Variants in CNNM1 observed in about 807,000 individuals in gnomAD.
CNNM1 encodes the protein metal transporter CNNM1.
Under a neutral mutation model 78.8 loss-of-function variants are expected in CNNM1, and 44 were observed. The ratio of observed to expected loss-of-function variants is 0.56; its 90% CI spans 0.44 to 0.72. CNNM1 has a LOEUF of 0.72. Among genes scored for constraint, CNNM1 ranks in the 30% least tolerant of loss-of-function variants. The probability of loss-of-function intolerance (pLI) is 0.00; values close to 1 mark genes in which losing one functional copy is unlikely to be tolerated. For missense variants in CNNM1, 1,101 were observed against 1,292.2 expected (o/e 0.85, Z 2.27); for synonymous variants, 584 against 581.5 (o/e 1.00, Z -0.06).
intron 7 of CNNM1, among the ~76,000 whole-genome samples, chr10:99,382,913 G>A (rs1392674306): frequency 6.6e-6 from 1 of 152,192 alleles, no homozygotes; most frequent in East Asian, 1.9e-4. Context: ...AGCTTAGTGG[G>A]TGATTGGATT....
intron 4 of CNNM1, among the ~76,000 whole-genome samples, chr10:99,362,863 G>A (rs1004139598): frequency 1.3e-5 from 2 of 152,108 alleles, no homozygotes; most frequent in South Asian, 2.1e-4. Context: ...GGAGGTACAT[G>A]GGACACATTC....
chr10:99,373,766 A>T (rs921389677), intron 6 of CNNM1, among the ~76,000 whole-genome samples: 5 of 152,144 alleles, frequency 3.3e-5, no homozygotes, highest in African/African-American at 1.2e-4. Context: ...CCACTTGTAC[A>T]TATTATTTAG....
chr10:99,336,547 C>G (rs1431035547), intron 1 of CNNM1, among the ~76,000 whole-genome samples: 1 of 152,216 alleles, frequency 6.6e-6, no homozygotes, highest in African/African-American at 2.4e-5. Context: ...TTAGGTTATT[C>G]ACTGATTTTA....
At chr10:99,365,569 T>TC (rs572923948) in intron 6 of CNNM1, among the ~76,000 whole-genome samples, 172 of 152,344 alleles carry the variant, frequency 1.1e-3, no homozygotes, top group Middle Eastern at 3.4e-3. Flanking sequence ...GGCACAGGGC[T>TC]GATGGCTGGT....
At chr10:99,366,728 G>A (rs993380638) in intron 6 of CNNM1, among the ~76,000 whole-genome samples, 1 of 152,124 alleles carries the variant, frequency 6.6e-6, no homozygotes, top group Non-Finnish European at 1.5e-5. Context: ...GTTGCAGTGA[G>A]CCAAGATCAT....
At chr10:99,362,460 G>T (rs2031471800) in intron 4 of CNNM1, 64 bp downstream of exon 4, 5 of 1,518,738 alleles carry the variant, frequency 3.3e-6, no homozygotes, top group Non-Finnish European at 4.4e-6. Context: ...TGAAGAAATG[G>T]CCATGCCTCC....
At chr10:99,363,685 C>T (rs1335151319) in intron 4 of CNNM1, among the ~76,000 whole-genome samples, 5 of 151,486 alleles carry the variant, frequency 3.3e-5, no homozygotes, top group Non-Finnish European at 7.4e-5. Context: ...TACATATCAG[C>T]TATCACTATT....
At chr10:99,339,467 G>T (rs910824020) in intron 1 of CNNM1, among the ~76,000 whole-genome samples, 2 of 152,236 alleles carry the variant, frequency 1.3e-5, no homozygotes, top group African/African-American at 4.8e-5. Flanking sequence ...CACAGTGGAA[G>T]GTGAGCAGTG....
chr10:99,364,118 A>G (rs541493045), intron 4 of CNNM1, among the ~76,000 whole-genome samples: 1 of 152,268 alleles, frequency 6.6e-6, no homozygotes, highest in East Asian at 1.9e-4. Flanking sequence ...GAGGCCCTGG[A>G]TTAGCTGGTG....
In CNNM1 at chr10:99,394,193, C is replaced by A. The variant is rs1589930977; in HGVS notation, c.*2677C>A. On this transcript the variant is annotated 3_prime_UTR_variant, in exon 11 of 11. Transcript: ENST00000356713. The stretch of plus-strand genomic sequence containing the variant: ...TATGGAGCCTGTCACCACTCCCCTC[C>A]CTATATACCCCCACCCCACAAAGAT... 1 of 152,376 alleles carries A rather than the reference C, an allele frequency of 6.6e-6. No individual in the cohort carries two copies. The highest frequency in any genetic ancestry group is 1.9e-4 in the East Asian group (1 of 5,190). The allele number at this position is 152,376 out of a possible 1,614,324, so 9.4% of individuals were successfully genotyped here. A position where few individuals can be genotyped will look rare whatever the true frequency, so the allele number is the denominator to read the frequency against.
chr10:99,380,518 C>T (rs921523476), intron 7 of CNNM1, among the ~76,000 whole-genome samples: 10 of 152,072 alleles, frequency 6.6e-5, no homozygotes, highest in Non-Finnish European at 1.3e-4. Context: ...GGGCTGGGTG[C>T]GGTGGCTCAC....
chr10:99,365,122 C>T, intron 6 of CNNM1, 120 bp downstream of exon 6: 1 of 978,494 alleles, frequency 1.0e-6, no homozygotes, highest in South Asian at 1.4e-5. Context: ...GCTGGCAGCC[C>T]CTTTGTAATG....
Position 99,330,287 on chromosome 10 carries a change from G to T in CNNM1, c.900G>T (p.Trp300Cys). The T allele has an allele frequency of 1.9e-6, 3 of 1,578,088 alleles. No individual in the cohort carries two copies. The highest frequency in any genetic ancestry group is 2.6e-6 in the Non-Finnish European group (3 of 1,162,540). Residue 300 changes from tryptophan (W) to cysteine (C), a missense_variant, in exon 1 of 11, where the codon TGG becomes TGT. By Grantham distance (215) the Trp-to-Cys change is radical (BLOSUM62 -2). Around this residue, in one of 3 missense-constraint regions of CNNM1, gnomAD observed 476 missense variants for 484.5 expected, o/e 0.98. Transcript: ENST00000356713. The part of the protein sequence containing the change: ...QAGANAALAG[W>C]LYTSLPPGFG... ...GAGCCAACGCGGCCCTGGCTGGCTG[G>T]CTGTACACCTCGCTGCCGCCGGGCT...
intron 1 of CNNM1, among the ~76,000 whole-genome samples, chr10:99,347,392 G>A (rs988207367): frequency 2.0e-5 from 3 of 151,796 alleles, no homozygotes; most frequent in Admixed American, 6.6e-5. Context: ...ATGGTGGCAG[G>A]CACCTGTAAT....
intron 1 of CNNM1, among the ~76,000 whole-genome samples, chr10:99,351,732 G>A (rs1044902914): frequency 2.0e-5 from 3 of 152,070 alleles, no homozygotes. Context: ...GGCCTCACCT[G>A]TGGCAGACCG....
Position 99,330,490 on chromosome 10 carries a change from C to A in CNNM1, c.1103C>A (p.Ala368Asp). The A allele has an allele frequency of 6.3e-7, 1 of 1,582,502 alleles. No individual in the cohort carries two copies. Among genetic ancestry groups the A allele is most frequent in the East Asian group, 2.3e-5 (1 of 42,978 alleles). ...TGCCTGACCCGGCTTCTGATGGCAG[C>A]CGCCTTCCCCGTGTGCTACCCGCTG... The part of the protein sequence containing the change: ...SVCLTRLLMA[A>D]AFPVCYPLGR... Residue 368 changes from alanine to aspartate, a missense_variant, in exon 1 of 11, where the codon GCC becomes GAC. Physicochemically the swap from Ala to Asp is moderately radical, Grantham distance 126. Transcript: ENST00000356713.
chr10:99,330,147 T>C lies in CNNM1; in HGVS notation c.760T>C (p.Leu254=). Residue 254 remains leucine (L), a synonymous_variant, in exon 1 of 11, where the codon TTA becomes CTA. Coordinates refer to ENST00000356713, the MANE Select transcript of CNNM1 (RefSeq NM_020348.3). ...LSLLSLDPVE[L]RVLRNSGSAA... is the part of the protein sequence containing the mutation. ...CCTGCTGTCGCTGGACCCGGTGGAG[T>C]TACGGGTGCTGCGGAACAGCGGCTC... is the stretch of plus-strand genomic sequence containing the variant. 6.5e-7 allele frequency: 1 copy of C among 1,543,060 alleles called. No individual in the cohort carries two copies. Among genetic ancestry groups the C allele is most frequent in the Admixed American group, 1.9e-5 (1 of 51,820 alleles).
In CNNM1 at chr10:99,362,133, GT is replaced by G. The variant is rs1420622705; in HGVS notation, c.1859-92del. On this transcript the variant is annotated intron_variant, in intron 3 of 10. Coordinates refer to ENST00000356713, the MANE Select transcript of CNNM1 (RefSeq NM_020348.3). ...CCCAGGTACAGGCACAGGGGTCCCA[GT>G]TGTGCCCACTCTGACTCCTCCCAGC... 3 of 1,206,832 alleles carry G rather than the reference GT, an allele frequency of 2.5e-6. No homozygotes were observed. In the African/African-American group the frequency reaches 4.7e-5, roughly 19 times the overall value. The allele number at this position is 1,206,832 out of a possible 1,614,324, so 74.8% of individuals were successfully genotyped here.
In CNNM1 at chr10:99,375,707, G is replaced by T. The variant is rs2031941806; in HGVS notation, c.2177-1348G>T. Among the ~76,000 whole-genome samples, 4 of 152,306 alleles carry T rather than the reference G, an allele frequency of 2.6e-5. No homozygotes were observed. In the South Asian group the frequency reaches 8.3e-4, roughly 32 times the overall value. ...ATATTTTGCTTTATCTCAAGAGACA[G>T]GATTAAATTCCCAAGGTTCTACCCT... On this transcript the variant is annotated intron_variant, in intron 6 of 10. Coordinates refer to ENST00000356713, the MANE Select transcript of CNNM1 (RefSeq NM_020348.3).
Sources: allele counts gnomAD v4.1 joint callset (sites outside exome capture counted in the v4.1 genomes callset), GRCh38; gene constraint gnomAD v4.1.1; regional missense constraint gnomAD v4.1.1; transcripts MANE v1.5; gene names NCBI Gene and HGNC (gene_info 2026-07-23, HGNC 2026-07-21).